The following DOCK4 variants were observed in gnomAD, a reference collection of about 807,000 sequenced individuals.
DOCK4 encodes dedicator of cytokinesis 4.
Under a neutral mutation model 268.1 loss-of-function variants are expected in DOCK4, and 97 were observed. The ratio of observed to expected loss-of-function variants is 0.36; its 90% confidence interval spans 0.31 to 0.43. The LOEUF is 0.43. Among genes scored for constraint, DOCK4 ranks in the 20% least tolerant of loss-of-function variants. The pLI is 1.00. For missense variants in DOCK4, 2,145 were observed against 2,455.7 expected (o/e 0.87, Z 2.67); for synonymous variants, 954 against 887.2 (o/e 1.08, Z -1.34).
chr7:112,198,384 T>C (rs1212813205), intron 1 of DOCK4, among the ~76,000 whole-genome samples: 1 of 152,200 alleles, frequency 6.6e-6, no homozygotes, highest in East Asian at 1.9e-4. Context: ...AAATTTCTTT[T>C]GTTTAAACTA....
chr7:111,801,111 C>A (rs1800245961), intron 30 of DOCK4, among the ~76,000 whole-genome samples: 1 of 152,172 alleles, frequency 6.6e-6, no homozygotes, highest in Non-Finnish European at 1.5e-5. Flanking sequence ...ACCACCTGTG[C>A]CAAGTGTCAT....
chr7:111,972,647 A>T (rs957028766), intron 8 of DOCK4, among the ~76,000 whole-genome samples: 1 of 152,152 alleles, frequency 6.6e-6, no homozygotes, highest in Non-Finnish European at 1.5e-5. Flanking sequence ...CTGAAGCCAT[A>T]AAGATTATGT....
intron 30 of DOCK4, among the ~76,000 whole-genome samples, chr7:111,799,364 A>C (rs895602354): frequency 3.3e-5 from 5 of 152,218 alleles, no homozygotes; most frequent in Non-Finnish European, 7.3e-5. Context: ...TCCAACAAAA[A>C]TTGACACAAC....
intron 28 of DOCK4, 71 bp downstream of exon 28, chr7:111,811,803 T>C (rs910877617): frequency 1.1e-6 from 1 of 900,582 alleles, no homozygotes; most frequent in African/African-American, 1.7e-5. Context: ...CAAGAAAATG[T>C]TAGGTAATTT....
chr7:111,834,490 G>C (rs1165572387), intron 26 of DOCK4, 98 bp downstream of exon 26: 2 of 932,050 alleles, frequency 2.1e-6, no homozygotes, highest in Middle Eastern at 3.2e-4. Context: ...AATGGAAACA[G>C]GTAAAGCAAT....
intron 30 of DOCK4, chr7:111,808,322 T>C (rs1800826611): frequency 6.5e-6 from 1 of 154,306 alleles, no homozygotes; most frequent in Non-Finnish European, 1.4e-5. Context: ...TTAACAAAAT[T>C]GGATCCAACA....
At chr7:112,151,962 A>T (rs1190088274) in intron 1 of DOCK4, among the ~76,000 whole-genome samples, 6 of 116,806 alleles carry the variant, frequency 5.1e-5, no homozygotes, top group African/African-American at 2.0e-4. Context: ...AACTGTTATT[A>T]AAAAAAAAAA....
At chr7:112,095,101 T>C (rs73210935) in intron 1 of DOCK4, among the ~76,000 whole-genome samples, 4,090 of 152,332 alleles carry the variant, frequency 0.027, 134 homozygotes, top group East Asian at 0.049. Context: ...AAGGATAATT[T>C]GCAATCCTGA....
intron 23 of DOCK4, among the ~76,000 whole-genome samples, chr7:111,861,980 A>G (rs1357760823): frequency 1.3e-5 from 2 of 151,974 alleles, no homozygotes; most frequent in African/African-American, 4.8e-5. Context: ...GACCTTGAGT[A>G]TATCTGTGAT....
chr7:112,061,739 T>TCACACACACACACACACACACA (rs61696712), intron 1 of DOCK4, among the ~76,000 whole-genome samples: 1 of 137,140 alleles, frequency 7.3e-6, no homozygotes, highest in Admixed American at 7.3e-5. Flanking sequence ...ATTAACAATG[T>TCACACACACACACACACACACA]CACACACACA....
intron 16 of DOCK4, among the ~76,000 whole-genome samples, chr7:111,880,829 GTC>G (rs1463545236): frequency 5.9e-5 from 9 of 152,176 alleles, no homozygotes; most frequent in Admixed American, 5.9e-4. Context: ...GAGGAAAAGA[GTC>G]TCTTCAATAA....
At chr7:111,787,881 T>C (rs755064013) in intron 32 of DOCK4, among the ~76,000 whole-genome samples, 2 of 152,202 alleles carry the variant, frequency 1.3e-5, no homozygotes, top group Non-Finnish European at 2.9e-5. Flanking sequence ...ACTTTGCACA[T>C]ATGTTAGATT....
intron 39 of DOCK4, among the ~76,000 whole-genome samples, chr7:111,763,972 G>A (rs1245376187): frequency 6.6e-6 from 1 of 152,180 alleles, no homozygotes; most frequent in African/African-American, 2.4e-5. Context: ...ATTACAGTGT[G>A]CCACTGTGCC....
chr7:111,845,002 T>A, intron 24 of DOCK4, 105 bp from the exon 25 acceptor site: 1 of 1,424,594 alleles, frequency 7.0e-7, no homozygotes, highest in Non-Finnish European at 9.4e-7. Context: ...AGGCATGGAT[T>A]TCACCTAAGT....
intron 8 of DOCK4, 148 bp from the exon 9 acceptor site, chr7:111,945,946 C>T (rs755159908): frequency 7.7e-5 from 47 of 609,768 alleles, no homozygotes; most frequent in Admixed American, 1.2e-4. Context: ...AGGAGAGCTC[C>T]GAAGACAACA....
At position 111,880,170 on chromosome 7, in the gene DOCK4, A is replaced by C. The variant is rs1807261899; in HGVS notation, c.1588-2984T>G. Among the ~76,000 whole-genome samples, 2 of 152,218 alleles carry C rather than the reference A, an allele frequency of 1.3e-5. 1 individual carries two copies. The highest frequency in any genetic ancestry group is 4.1e-4 in the South Asian group (2 of 4,822). On this transcript the variant is annotated intron_variant, in intron 16 of 52. Transcript: ENST00000428084. ...CCGAAAGGTCAAGGATGAAGAAAGG[A>C]TCCTAAAAGCAGCAAAAGAAAAGAA...
At chr7:111,776,483 G>A (rs973855650) in intron 36 of DOCK4, among the ~76,000 whole-genome samples, 5 of 152,098 alleles carry the variant, frequency 3.3e-5, no homozygotes, top group Non-Finnish European at 7.4e-5. Flanking sequence ...AGACATTAGT[G>A]ATCTGAAAAC....
chr7:112,018,179 A>AAAAAAAAAAACAC lies in DOCK4; in HGVS notation c.38-14049_38-14048insGTGTTTTTTTTTT. The stretch of plus-strand genomic sequence containing the variant: ...AAAAAAAAAAAAAAAAAAAAAAAAA[A>AAAAAAAAAAACAC]ACACAGGCAACCAGTATTCATGTGG... On this transcript the variant is annotated intron_variant, in intron 1 of 52. Transcript: ENST00000428084. Among the ~76,000 whole-genome samples, 23 of 72,630 alleles carry AAAAAAAAAAACAC rather than the reference A, an allele frequency of 3.2e-4. 4 individuals are homozygous for AAAAAAAAAAACAC. Among genetic ancestry groups the AAAAAAAAAAACAC allele is most frequent in the East Asian group, 2.4e-3 (6 of 2,480 alleles). The allele number at this position is 72,630 out of a possible 152,430, so 47.6% of individuals were successfully genotyped here. A position where few individuals can be genotyped will look rare whatever the true frequency, so the allele number is the denominator to read the frequency against.
At chr7:112,004,829 T>C (rs1167661779) in intron 1 of DOCK4, among the ~76,000 whole-genome samples, 3 of 151,876 alleles carry the variant, frequency 2.0e-5, no homozygotes, top group Non-Finnish European at 4.4e-5. Context: ...CAATTAATTA[T>C]AGATTAATGG....
Sources: allele counts gnomAD v4.1 joint callset (sites outside exome capture counted in the v4.1 genomes callset), GRCh38; gene constraint gnomAD v4.1.1; transcripts MANE v1.5; gene names NCBI Gene and HGNC (gene_info 2026-07-23, HGNC 2026-07-21).